PTPRN2: variants seen among roughly 807,000 people sequenced by gnomAD.
PTPRN2 encodes the protein receptor-type tyrosine-protein phosphatase N2.
Under a neutral mutation model 118.8 loss-of-function variants are expected in PTPRN2, and 74 were observed. The ratio of observed to expected loss-of-function variants is 0.62; its 90% CI spans 0.52 to 0.76. The LOEUF (loss-of-function observed/expected upper bound fraction) is 0.76. PTPRN2 is among the 30% of genes least tolerant of loss of function. The pLI is 0.00. For synonymous variants in PTPRN2, 641 were observed against 608.0 expected (o/e 1.05, Z -0.80); for missense variants, 1,481 against 1,394.4 (o/e 1.06, Z -0.99).
At position 157,875,900 on chromosome 7, in the gene PTPRN2, A is replaced by G. The variant is rs537322743; in HGVS notation, c.1788+22773T>C. Among the ~76,000 whole-genome samples, 11 of 147,756 alleles carry G rather than the reference A, an allele frequency of 7.4e-5. No homozygotes were observed. In the East Asian group the frequency reaches 2.2e-3, roughly 30 times the overall value. ...TCAGGAGGGGCCGAGCCCCAAGGCC[A>G]GGCATCCCCAGGGTGGGCACCGGGC... On this transcript the variant is annotated intron_variant, in intron 12 of 22. Coordinates refer to ENST00000389418, the MANE Select transcript of PTPRN2 (RefSeq NM_002847.5).
chr7:158,038,395 T>A (rs982985550), intron 11 of PTPRN2, among the ~76,000 whole-genome samples: 1 of 152,068 alleles, frequency 6.6e-6, no homozygotes, highest in Non-Finnish European at 1.5e-5. Flanking sequence ...ACAACAAAAA[T>A]TCCTGACAGA....
intron 14 of PTPRN2, 113 bp downstream of exon 14, chr7:157,656,244 G>T: frequency 1.8e-6 from 2 of 1,114,824 alleles, no homozygotes; most frequent in Non-Finnish European, 2.5e-6. Context: ...GCAGGGTGCA[G>T]CCATCATCGC....
rs76867396 is a variant in PTPRN2 at position 158,196,155 on chromosome 7, T to G, written c.381-3660A>C. The stretch of plus-strand genomic sequence containing the variant: ...GAATGTCAGATACTGTTTGCTCTCA[T>G]TTTTTTGGATGGTTCTTTTCCCTCA... On this transcript the variant is annotated intron_variant, in intron 4 of 22. Transcript: ENST00000389418. 9.6e-4 allele frequency among the ~76,000 whole-genome samples: 146 copies of G among 152,314 alleles called. 1 individual carries two copies. The highest frequency in any genetic ancestry group is 3.1e-3 in the African/African-American group (129 of 41,576).
chr7:157,571,206 A>T (rs1213558527), intron 20 of PTPRN2, among the ~76,000 whole-genome samples: 1 of 151,502 alleles, frequency 6.6e-6, no homozygotes. Flanking sequence ...CAGAGTTAAA[A>T]AAAAAAAAAA....
intron 3 of PTPRN2, among the ~76,000 whole-genome samples, chr7:158,225,682 A>G (rs1828714268): frequency 6.6e-6 from 1 of 152,182 alleles, no homozygotes; most frequent in South Asian, 2.1e-4. Context: ...GGGAATAGAG[A>G]AATGAAGAGG....
intron 12 of PTPRN2, among the ~76,000 whole-genome samples, chr7:157,878,794 G>A (rs201053992): frequency 0.11 from 6,930 of 62,482 alleles, 359 homozygotes; most frequent in Admixed American, 0.16. Context: ...AGGAGCTCTC[G>A]GATTCCGTGG....
chr7:158,453,689 T>C (rs1052078534), intron 2 of PTPRN2, among the ~76,000 whole-genome samples: 1 of 152,202 alleles, frequency 6.6e-6, no homozygotes, highest in Non-Finnish European at 1.5e-5. Flanking sequence ...GTGAACCATA[T>C]ATATGCATTA....
chr7:158,587,493 C>T, intron 1 of PTPRN2, 65 bp downstream of exon 1: 1 of 968,798 alleles, frequency 1.0e-6, no homozygotes. Flanking sequence ...CTCACGGAGG[C>T]GCCCCTCTCA....
intron 3 of PTPRN2, among the ~76,000 whole-genome samples, chr7:158,259,826 A>G (rs536972000): frequency 4.4e-4 from 65 of 147,326 alleles, no homozygotes; most frequent in African/African-American, 1.6e-3. Flanking sequence ...TTGTGTACAC[A>G]TATGTGAATG....
At chr7:158,149,214 C>G (rs1436849430) in intron 6 of PTPRN2, among the ~76,000 whole-genome samples, 3 of 152,116 alleles carry the variant, frequency 2.0e-5, no homozygotes, top group Non-Finnish European at 4.4e-5. Flanking sequence ...AGTGTCTGGG[C>G]TGACCTGCTC....
In PTPRN2 at chr7:157,751,038, G is replaced by A. The variant is rs189993681; in HGVS notation, c.1789-68101C>T. Among the ~76,000 whole-genome samples, 9 of 152,358 alleles carry A rather than the reference G, an allele frequency of 5.9e-5. No individual in the cohort carries two copies. In the East Asian group the frequency reaches 9.6e-4, roughly 16 times the overall value. ...CTAAAGAGCCTCCTCACCAGTGAGC[G>A]TCCTGCCCAACTCTGGGAAAACCTC... On this transcript the variant is annotated intron_variant, in intron 12 of 22. Coordinates refer to ENST00000389418, the MANE Select transcript of PTPRN2 (RefSeq NM_002847.5).
At chr7:157,720,130 A>G (rs1464570323) in intron 12 of PTPRN2, among the ~76,000 whole-genome samples, 2 of 152,134 alleles carry the variant, frequency 1.3e-5, no homozygotes, top group East Asian at 3.9e-4. Flanking sequence ...TATAGGAGCA[A>G]TTTCTTCTCA....
intron 11 of PTPRN2, among the ~76,000 whole-genome samples, chr7:158,010,962 A>C (rs1806002815): frequency 6.6e-6 from 1 of 152,196 alleles, no homozygotes; most frequent in Non-Finnish European, 1.5e-5. Flanking sequence ...TTCCACTTAG[A>C]ATAACAATCG....
Position 157,898,718 on chromosome 7 carries a change from C to T in PTPRN2, c.1743G>A (p.Leu581=), listed in dbSNP as rs1430930748. 3 of 1,608,160 alleles carry T rather than the reference C, an allele frequency of 1.9e-6. No individual in the cohort carries two copies. Among genetic ancestry groups the T allele is most frequent in the Non-Finnish European group, 2.6e-6 (3 of 1,174,490 alleles). ...GAATTTTCAGTCCAGAGGTTTCCTCCAGTTTGTCTTTGTTGTCAACTGTTA... is the reference window on the plus strand; with the variant it reads ...GAATTTTCAGTCCAGAGGTTTCCTCTAGTTTGTCTTTGTTGTCAACTGTTA... The part of the protein sequence containing the change: ...EKATVDNKDK[L]EETSGLKILQ... The change falls in exon 12 of 23, where the codon CTG becomes CTA. Residue 581 remains leucine (L), a synonymous_variant. Transcript: ENST00000389418.
intron 11 of PTPRN2, among the ~76,000 whole-genome samples, chr7:157,925,957 C>A (rs1318741829): frequency 6.6e-6 from 1 of 152,214 alleles, no homozygotes; most frequent in Non-Finnish European, 1.5e-5. Flanking sequence ...TAGTTCCCTG[C>A]AAAATATATT....
At chr7:158,060,767 G>C (rs576754460) in intron 11 of PTPRN2, among the ~76,000 whole-genome samples, 1 of 152,344 alleles carries the variant, frequency 6.6e-6, no homozygotes, top group South Asian at 2.1e-4. Flanking sequence ...GCCTATTTAT[G>C]AATATGGGAA....
intron 5 of PTPRN2, among the ~76,000 whole-genome samples, chr7:158,177,517 G>A (rs1022580229): frequency 9.2e-5 from 14 of 152,256 alleles, no homozygotes; most frequent in South Asian, 6.2e-4. Flanking sequence ...AATACATTCC[G>A]GTGCCCCTGG....
At chr7:158,405,248 C>T (rs754178108) in intron 2 of PTPRN2, among the ~76,000 whole-genome samples, 1 of 152,138 alleles carries the variant, frequency 6.6e-6, no homozygotes, top group Non-Finnish European at 1.5e-5. Flanking sequence ...GGTGTCACAT[C>T]CCCTAGGATT....
At chr7:158,354,061 C>T (rs1457437906) in intron 2 of PTPRN2, among the ~76,000 whole-genome samples, 1 of 152,250 alleles carries the variant, frequency 6.6e-6, no homozygotes, top group East Asian at 1.9e-4. Context: ...AGCCTTCCCA[C>T]GTTATCAGGA....
Sources: allele counts gnomAD v4.1 joint callset (sites outside exome capture counted in the v4.1 genomes callset), GRCh38; gene constraint gnomAD v4.1.1; transcripts MANE v1.5; gene names NCBI Gene and HGNC (gene_info 2026-07-23, HGNC 2026-07-21).